Variants in CEP85 observed in about 807,000 individuals in gnomAD.
The protein encoded by CEP85 is centrosomal protein of 85 kDa.
CEP85 carries 58 observed loss-of-function variants against 93.7 expected under a neutral mutation model. The ratio of observed to expected loss-of-function variants is 0.62; its 90% CI spans 0.50 to 0.77. CEP85 has a LOEUF of 0.77. Among genes scored for constraint, CEP85 ranks in the 30% least tolerant of loss-of-function variants. The pLI is 0.00. For missense variants in CEP85, 868 were observed against 922.0 expected (o/e 0.94, Z 0.76); for synonymous variants, 314 against 338.6 (o/e 0.93, Z 0.80).
chr1:26,250,932 C>CTT (rs869156420), intron 3 of CEP85, among the ~76,000 whole-genome samples: 2 of 17,506 alleles, frequency 1.1e-4, no homozygotes, highest in African/African-American at 1.9e-4. Context: ...TTTCTTTTTT[C>CTT]TTTTTTTTTT....
Position 26,271,059 on chromosome 1 carries a change from A to G in CEP85, c.1695A>G (p.Pro565=), listed in dbSNP as rs754982176. 1.2e-6 allele frequency: 2 copies of G among 1,613,862 alleles called. No individual in the cohort carries two copies. Among genetic ancestry groups the G allele is most frequent in the Non-Finnish European group, 1.7e-6 (2 of 1,179,744 alleles). ...QSVEETSGEG[P]EVEMESWQKR... is the part of the protein sequence containing the mutation. ...TGGAGGAGACCAGTGGAGAAGGTCC[A>G]GAAGTGGAAATGGAGTCCTGGCAGA... The change falls in exon 10 of 14, where the codon CCA becomes CCG. Residue 565 remains proline (P), a synonymous_variant. Coordinates refer to ENST00000451429, the MANE Select transcript of CEP85 (RefSeq NM_001319944.2).
At chr1:26,236,342 CTG>C (rs745619085) in intron 1 of CEP85, among the ~76,000 whole-genome samples, 2 of 151,138 alleles carry the variant, frequency 1.3e-5, no homozygotes, top group Non-Finnish European at 1.5e-5. Context: ...GAATGAGTGA[CTG>C]TTTCTGTAGT....
At chr1:26,247,139 A>G (rs985600724) in intron 3 of CEP85, among the ~76,000 whole-genome samples, 2 of 152,236 alleles carry the variant, frequency 1.3e-5, no homozygotes, top group Non-Finnish European at 2.9e-5. Context: ...ACTAATGCCT[A>G]AAGTCCAGAA....
At chr1:26,240,287 A>G (rs1438371157) in intron 2 of CEP85, among the ~76,000 whole-genome samples, 3 of 152,142 alleles carry the variant, frequency 2.0e-5, no homozygotes, top group African/African-American at 7.2e-5. Context: ...AGATTTTGAA[A>G]CTTCAGTAGA....
At chr1:26,270,123 G>A (rs7551557) in intron 9 of CEP85, among the ~76,000 whole-genome samples, 21,299 of 152,076 alleles carry the variant, frequency 0.14, 1,689 homozygotes, top group Middle Eastern at 0.19. Flanking sequence ...TGCAGTGGGG[G>A]CTTATCTTCA....
chr1:26,244,403 G>A, intron 3 of CEP85, 85 bp downstream of exon 3: 3 of 1,211,296 alleles, frequency 2.5e-6, no homozygotes, highest in Non-Finnish European at 3.6e-6. Flanking sequence ...TCCAGATTGT[G>A]TTATTTCCAG....
intron 3 of CEP85, among the ~76,000 whole-genome samples, chr1:26,253,010 T>A (rs1178767954): frequency 6.6e-6 from 1 of 152,218 alleles, no homozygotes; most frequent in Non-Finnish European, 1.5e-5. Flanking sequence ...TGTCATTTTG[T>A]GCCTGGCTTA....
chr1:26,255,149 T>A (rs758690112), intron 3 of CEP85, 22 bp from the exon 4 acceptor site: 3 of 1,596,108 alleles, frequency 1.9e-6, no homozygotes, highest in East Asian at 2.2e-5. Context: ...TTTTTACTTA[T>A]GGAAGACTAT....
intron 6 of CEP85, 34 bp from the exon 7 acceptor site, chr1:26,259,583 G>C (rs768913173): frequency 1.1e-5 from 17 of 1,563,276 alleles, no homozygotes; most frequent in Admixed American, 5.6e-5. Flanking sequence ...TATAAGGGTA[G>C]AGAACAGTTA....
At chr1:26,246,197 A>G (rs1004452468) in intron 3 of CEP85, among the ~76,000 whole-genome samples, 5 of 152,178 alleles carry the variant, frequency 3.3e-5, no homozygotes, top group African/African-American at 9.7e-5. Flanking sequence ...CAGTTCCTCA[A>G]AAGGTTAAAC....
At chr1:26,272,848 C>T (rs943187706) in intron 11 of CEP85, among the ~76,000 whole-genome samples, 5 of 151,974 alleles carry the variant, frequency 3.3e-5, no homozygotes, top group South Asian at 2.1e-4. Context: ...AGACTGGTCT[C>T]GAACTCCTGA....
chr1:26,271,197 T>C lies in CEP85; in HGVS notation c.1743+90T>C. On this transcript the variant is annotated intron_variant, in intron 10 of 13. Transcript: ENST00000451429. ...GGAGGGATACGTGAATTCTTGGCTT[T>C]GGGCTATCTAGGATTTGTTACCAAG... 3 of 778,858 alleles carry C rather than the reference T, an allele frequency of 3.9e-6. No individual in the cohort carries two copies. The South Asian group carries it at 4.7e-5, about 12-fold the overall frequency. 48.2% of individuals were successfully genotyped at this position (778,858 alleles called of 1,614,324 possible).
At chr1:26,257,816 C>T in intron 5 of CEP85, 86 bp downstream of exon 5, 2 of 1,448,692 alleles carry the variant, frequency 1.4e-6, no homozygotes. Flanking sequence ...AAGGGCAAAG[C>T]ATTCCTCCTC....
At chr1:26,237,724 A>G (rs1013931858) in intron 1 of CEP85, among the ~76,000 whole-genome samples, 5 of 152,108 alleles carry the variant, frequency 3.3e-5, no homozygotes, top group African/African-American at 7.2e-5. Flanking sequence ...GGAATTGCTG[A>G]GTCATAGGGT....
chr1:26,259,501 C>A, intron 6 of CEP85, 116 bp from the exon 7 acceptor site: 1 of 1,019,582 alleles, frequency 9.8e-7, no homozygotes, highest in Non-Finnish European at 1.4e-6. Context: ...AGAACCACTT[C>A]TTAAAGAGAT....
intron 3 of CEP85, among the ~76,000 whole-genome samples, chr1:26,249,484 T>C (rs1468544340): frequency 6.6e-6 from 1 of 152,238 alleles, no homozygotes; most frequent in Non-Finnish European, 1.5e-5. Context: ...GTTGCATCTT[T>C]AAATTTAATA....
chr1:26,262,364 G>C (rs2089823469), intron 7 of CEP85, among the ~76,000 whole-genome samples: 1 of 152,036 alleles, frequency 6.6e-6, no homozygotes. Context: ...TGTAACCTCA[G>C]CTACTTAAGA....
At chr1:26,259,195 T>TG (rs1302296221) in intron 6 of CEP85, among the ~76,000 whole-genome samples, 10 of 152,354 alleles carry the variant, frequency 6.6e-5, no homozygotes, top group Admixed American at 3.3e-4. Flanking sequence ...AGGAAGACCT[T>TG]GCCTGAGATC....
At chr1:26,236,614 GTTTTTCTT>G (rs1407560077) in intron 1 of CEP85, among the ~76,000 whole-genome samples, 3 of 151,826 alleles carry the variant, frequency 2.0e-5, no homozygotes, top group Non-Finnish European at 4.4e-5. Context: ...CTTTCTTTCT[GTTTTTCTT>G]TTTTGAGATA....
Sources: allele counts gnomAD v4.1 joint callset (sites outside exome capture counted in the v4.1 genomes callset), GRCh38; gene constraint gnomAD v4.1.1; transcripts MANE v1.5; gene names NCBI Gene and HGNC (gene_info 2026-07-23, HGNC 2026-07-21).